USP11: variants seen among roughly 807,000 people sequenced by gnomAD.
The protein encoded by USP11 is ubiquitin specific peptidase 11, also known as ubiquitin carboxyl-terminal hydrolase 11.
Under a neutral mutation model 72.8 loss-of-function variants are expected in USP11, and 5 were observed. The ratio of observed to expected loss-of-function variants is 0.07; its 90% CI spans 0.04 to 0.14. USP11 has a LOEUF of 0.14. Among genes scored for constraint, USP11 ranks in the 10% least tolerant of loss-of-function variants. USP11 has a pLI of 1.00. For missense variants in USP11, 480 were observed against 794.7 expected (o/e 0.60, Z 4.76); for synonymous variants, 368 against 326.5 (o/e 1.13, Z -1.37).
At chrX:47,239,995 C>A in intron 4 of USP11, 88 bp downstream of exon 4, 1 of 979,547 alleles carries the variant, frequency 1.0e-6, no homozygotes, top group Non-Finnish European at 1.4e-6. Flanking sequence ...TAAGCTGAAG[C>A]TGACTGAGAA....
In USP11 at chrX:47,248,130, G is replaced by GC. The variant is rs1274454794; in HGVS notation, c.*204dup. On this transcript the variant is annotated 3_prime_UTR_variant, in exon 21 of 21. Transcript: ENST00000377107. ...GTCGTGTCTCCTCCTAGCAGTGCGC[G>GC]CCCCGCCTGTGTTTGCCCTTCCAGC... 2.0e-5 allele frequency: 11 copies of GC among 548,241 alleles called. No homozygotes were observed. In the Admixed American group the frequency reaches 5.1e-4, roughly 26 times the overall value. 45.2% of individuals were successfully genotyped at this position (548,241 alleles called of 1,213,427 possible).
At chrX:47,240,197 G>A in intron 4 of USP11, 108 bp from the exon 5 acceptor site, 2 of 1,049,501 alleles carry the variant, frequency 1.9e-6, no homozygotes, top group Non-Finnish European at 2.6e-6. Context: ...GAGGACACAG[G>A]TATTGGCCAA....
rs2055399353 is a variant in USP11, at chrX:47,240,943, CAG to C, written c.846+70_846+71del. The stretch of plus-strand genomic sequence containing the variant: ...GGCTTCAAGAGCTGAGGATTGGGGA[CAG>C]AGCTGGGGTCCTGAGGGGACTACAG... On this transcript the variant is annotated intron_variant, in intron 7 of 20. Coordinates refer to ENST00000377107, the MANE Select transcript of USP11 (RefSeq NM_001371072.1). 7.5e-6 allele frequency: 8 copies of C among 1,071,747 alleles called. No individual in the cohort carries two copies. In the South Asian group the frequency reaches 1.4e-4, roughly 19 times the overall value. 88.3% of individuals were successfully genotyped at this position (1,071,747 alleles called of 1,213,427 possible).
Position 47,244,781 on chromosome X carries a change from C to G in USP11, c.1943C>G (p.Thr648Arg). ...CAGGCTGGGCCCAGCTCTGGAGTCACGAACAGGTGCCCGTTCCTCCTGGAC... is the reference window on the plus strand; with the variant it reads ...CAGGCTGGGCCCAGCTCTGGAGTCAGGAACAGGTGCCCGTTCCTCCTGGAC... Reference protein sequence around the residue: ...PEQAGPSSGVTNRCPFLLDNC... With the variant: ...PEQAGPSSGVRNRCPFLLDNC... Residue 648 changes from threonine to arginine, a missense_variant, in exon 15 of 21, where the codon ACG (threonine) becomes AGG (arginine). By Grantham distance (71) the Thr-to-Arg change is moderately conservative (BLOSUM62 -1). Transcript: ENST00000377107. The G allele has an allele frequency of 1.7e-6, 2 of 1,210,147 alleles. No individual in the cohort carries two copies. The highest frequency in any genetic ancestry group is 1.1e-6 in the Non-Finnish European group (1 of 895,028).
intron 1 of USP11, chrX:47,233,911 A>T: frequency 8.9e-6 from 1 of 112,494 alleles, no homozygotes; most frequent in South Asian, 3.6e-4. Context: ...GAGAACGTGC[A>T]GGTGATTAGC....
At position 47,239,077 on chromosome X, in the gene USP11, G is replaced by A; in HGVS notation, c.184G>A (p.Val62Met). The A allele has an allele frequency of 8.3e-7, 1 of 1,208,889 alleles. No individual in the cohort carries two copies. The highest frequency in any genetic ancestry group is 3.0e-5 in the East Asian group (1 of 33,798). ...PLRAGESWFL[V>M]EKHWYKQWEA... is the part of the protein sequence containing the mutation. ...TACCTGTCTGGGCCCCAGGTTCCTT[G>A]TGGAGAAGCACTGGTATAAGCAGTG... The change falls in exon 2 of 21, where the codon GTG becomes ATG. Residue 62 changes from valine (V) to methionine (M), a missense_variant. This residue lies in a region of USP11 where 71 missense variants were observed against 71.4 expected (regional missense o/e 0.99). Transcript: ENST00000377107.
At position 47,244,191 on chromosome X, in the gene USP11, C is replaced by T. The variant is rs933820470; in HGVS notation, c.1791-307C>T. On this transcript the variant is annotated intron_variant, in intron 13 of 20. Transcript: ENST00000377107. ...TTGGCTCACTGCAACCTCCATCTCC[C>T]GGATTCAAGCGATTCTCCTGCCTCA... Among the ~76,000 whole-genome samples the T allele has an allele frequency of 2.4e-4, 26 of 106,283 alleles. 1 individual carries two copies. Among genetic ancestry groups the T allele is most frequent in the African/African-American group, 7.3e-4 (21 of 28,874 alleles). The allele number at this position is 106,283 out of a possible 115,157, so 92.3% of individuals were successfully genotyped here. A position where few individuals can be genotyped will look rare whatever the true frequency, so the allele number is the denominator to read the frequency against.
At chrX:47,242,926 C>T (rs1300296387) in intron 12 of USP11, among the ~76,000 whole-genome samples, 4 of 111,606 alleles carry the variant, frequency 3.6e-5, no homozygotes, top group Admixed American at 9.5e-5. Context: ...GCCAAGATCA[C>T]GCCACTGCAC....
chrX:47,234,997 C>G (rs2055365220), intron 1 of USP11, among the ~76,000 whole-genome samples: 1 of 111,994 alleles, frequency 8.9e-6, no homozygotes, highest in African/African-American at 3.2e-5. Flanking sequence ...TTATTTTTGC[C>G]ATTTTTCTCA....
At chrX:47,244,991 A>G (rs373708986) in intron 15 of USP11, 25 bp from the exon 16 acceptor site, 2 of 1,210,040 alleles carry the variant, frequency 1.7e-6, no homozygotes, top group African/African-American at 3.5e-5. Flanking sequence ...AGCAGGATCC[A>G]TGACCACCTC....
In USP11 at chrX:47,239,086, C is replaced by T; in HGVS notation, c.193C>T (p.His65Tyr). Residue 65 changes from histidine to tyrosine, a missense_variant, in exon 2 of 21, where the codon CAC becomes TAC. This residue lies in a region of USP11 where 71 missense variants were observed against 71.4 expected (regional missense o/e 0.99). Coordinates refer to ENST00000377107, the MANE Select transcript of USP11 (RefSeq NM_001371072.1). ...GGGCCCCAGGTTCCTTGTGGAGAAG[C>T]ACTGGTATAAGCAGTGGGAGGCATA... ...AGESWFLVEK[H>Y]WYKQWEAYVQ... 2.5e-6 allele frequency: 3 copies of T among 1,209,735 alleles called. No individual in the cohort carries two copies. Among genetic ancestry groups the T allele is most frequent in the Non-Finnish European group, 3.4e-6 (3 of 894,439 alleles).
Position 47,239,113 on chromosome X carries a change from G to A in USP11, c.220G>A (p.Val74Met). 1.7e-6 allele frequency: 2 copies of A among 1,210,333 alleles called. No individual in the cohort carries two copies. Among genetic ancestry groups the A allele is most frequent in the Non-Finnish European group, 2.2e-6 (2 of 894,946 alleles). The change falls in exon 2 of 21, where the codon GTG (valine) becomes ATG (methionine). Residue 74 changes from valine (V) to methionine (M), a missense_variant. Val to Met is a conservative substitution (Grantham distance 21). Transcript: ENST00000377107. ...CTGGTATAAGCAGTGGGAGGCATAC[G>A]TGCAGGGAGGGGACCAGGACTCCAG... ...KHWYKQWEAY[V>M]QGGDQDSSTF... is the part of the protein sequence containing the mutation.
At chrX:47,241,222 C>G in intron 7 of USP11, 55 bp from the exon 8 acceptor site, 6 of 1,138,843 alleles carry the variant, frequency 5.3e-6, no homozygotes, top group Non-Finnish European at 7.0e-6. Flanking sequence ...TGTATCCTCA[C>G]TTTGAACCTT....
intron 1 of USP11, chrX:47,233,504 A>G: frequency 1.0e-6 from 1 of 965,136 alleles, no homozygotes; most frequent in Non-Finnish European, 1.3e-6. Context: ...GGGCCTGCGT[A>G]GTGAAACTGC....
At chrX:47,243,186 C>T (rs1421346437) in intron 12 of USP11, among the ~76,000 whole-genome samples, 1 of 112,289 alleles carries the variant, frequency 8.9e-6, no homozygotes, top group Non-Finnish European at 1.9e-5. Flanking sequence ...TGGCATGAAC[C>T]CGGGAGGCGG....
Position 47,244,812 on chromosome X carries a change from C to T in USP11, c.1974C>T (p.Cys658=), listed in dbSNP as rs780198485. 2 of 1,211,291 alleles carry T rather than the reference C, an allele frequency of 1.7e-6. No homozygotes were observed. Among genetic ancestry groups the T allele is most frequent in the Non-Finnish European group, 2.2e-6 (2 of 895,390 alleles). The change falls in exon 15 of 21, where the codon TGC becomes TGT. Residue 658 remains cysteine (C), a synonymous_variant. Transcript: ENST00000377107. ...TNRCPFLLDN[C]LGTSQWPPRR... is the part of the protein sequence containing the mutation. The stretch of plus-strand genomic sequence containing the variant: ...GGTGCCCGTTCCTCCTGGACAATTG[C>T]CTTGGCACATCTCAGTGGCCCCCAA...
intron 10 of USP11, 45 bp from the exon 11 acceptor site, chrX:47,242,394 A>G (rs747595320): frequency 8.3e-7 from 1 of 1,206,920 alleles, no homozygotes; most frequent in South Asian, 1.8e-5. Flanking sequence ...GCATTAACTC[A>G]CCACAAGCCC....
chrX:47,233,187 G>A lies in USP11; in HGVS notation c.144G>A (p.Gly48=). The change falls in exon 1 of 21, where the codon GGG becomes GGA. Residue 48 remains glycine (G), a synonymous_variant. Coordinates refer to ENST00000377107, the MANE Select transcript of USP11 (RefSeq NM_001371072.1). ...QWRQIENGES[G]RERPLRAGES... is the part of the protein sequence containing the mutation. ...GCCAGATAGAAAACGGCGAGAGTGG[G>A]CGAGAACGTCCACTGCGGGCCGGCG... 3 of 1,182,825 alleles carry A rather than the reference G, an allele frequency of 2.5e-6. No homozygotes were observed. Among genetic ancestry groups the A allele is most frequent in the Non-Finnish European group, 3.4e-6 (3 of 879,605 alleles).
At chrX:47,240,034 A>C (rs1189510909) in intron 4 of USP11, 127 bp downstream of exon 4, 2 of 782,894 alleles carry the variant, frequency 2.6e-6, no homozygotes, top group African/African-American at 4.1e-5. Flanking sequence ...GAAGACCCAG[A>C]AGGCATTGGC....
Sources: allele counts gnomAD v4.1 joint callset (sites outside exome capture counted in the v4.1 genomes callset), GRCh38; gene constraint gnomAD v4.1.1; regional missense constraint gnomAD v4.1.1; transcripts MANE v1.5; gene names NCBI Gene and HGNC (gene_info 2026-07-23, HGNC 2026-07-21).